Variants in LAMP2 observed in about 807,000 individuals in gnomAD.
LAMP2 encodes lysosome-associated membrane glycoprotein 2.
In LAMP2, 4 loss-of-function variants were observed where a neutral mutation model predicts 25.6. That is an observed-to-expected ratio of 0.16 (90% CI 0.08 to 0.36). The LOEUF (loss-of-function observed/expected upper bound fraction) is 0.36. Among genes scored for constraint, LAMP2 ranks in the 10% least tolerant of loss-of-function variants. LAMP2 has a pLI of 1.00. For synonymous variants in LAMP2, 108 were observed against 112.7 expected (o/e 0.96, Z 0.27); for missense variants, 272 against 301.4 (o/e 0.90, Z 0.72).
At chrX:120,467,773 ATTTT>A (rs1921601682) in intron 1 of LAMP2, among the ~76,000 whole-genome samples, 1 of 111,546 alleles carries the variant, frequency 9.0e-6, no homozygotes, top group Non-Finnish European at 1.9e-5. Flanking sequence ...ATTTATTTTT[ATTTT>A]TTGAGACAGA....
At chrX:120,458,631 A>G (rs60538603) in intron 1 of LAMP2, among the ~76,000 whole-genome samples, 1 of 111,057 alleles carries the variant, frequency 9.0e-6, no homozygotes, top group African/African-American at 3.3e-5. Flanking sequence ...CTTTTACTCA[A>G]TATCTCTCAC....
intron 8 of LAMP2, among the ~76,000 whole-genome samples, chrX:120,436,168 A>ACTCTCTCTCT (rs1459861912): frequency 1.3e-5 from 1 of 79,743 alleles, no homozygotes; most frequent in African/African-American, 5.1e-5. Flanking sequence ...ACACACACAC[A>ACTCTCTCTCT]CACTCTCTCT....
intron 8 of LAMP2, among the ~76,000 whole-genome samples, chrX:120,440,926 A>G (rs1424613736): frequency 2.7e-5 from 3 of 112,211 alleles, no homozygotes; most frequent in Non-Finnish European, 5.6e-5. Flanking sequence ...GGCTCACAGT[A>G]TATTCGCTTT....
At chrX:120,455,025 A>G (rs2023717) in intron 3 of LAMP2, among the ~76,000 whole-genome samples, 29,578 of 98,753 alleles carry the variant, frequency 0.3, 4,494 homozygotes, top group Middle Eastern at 0.43. Context: ...ATATATGTGT[A>G]TATATATATA....
intron 1 of LAMP2, among the ~76,000 whole-genome samples, chrX:120,466,997 G>A (rs751698734): frequency 5.5e-5 from 6 of 110,071 alleles, no homozygotes; most frequent in South Asian, 3.9e-4. Context: ...CATGTGCCAC[G>A]ACACCGGCTA....
At chrX:120,455,906 T>C in intron 2 of LAMP2, among the ~76,000 whole-genome samples, 1 of 99,864 alleles carries the variant, frequency 1.0e-5, no homozygotes, top group South Asian at 5.2e-4. Flanking sequence ...GGGGAGATTT[T>C]AGTGTTAGGT....
chrX:120,436,170 A>ACACACACACACTCTCTCTCT (rs1251901451), intron 8 of LAMP2, among the ~76,000 whole-genome samples: 1 of 57,307 alleles, frequency 1.7e-5, no homozygotes, highest in African/African-American at 5.0e-5. Flanking sequence ...ACACACACAC[A>ACACACACACACTCTCTCTCT]CTCTCTCTCT....
chrX:120,427,179 T>G lies in LAMP2; in HGVS notation c.*4144A>C, dbSNP rs2058502195. Reference sequence around the variant, plus strand: ...TAATTTTTTTAATCCAAAAAAAATTTCTGAAGTGAAGGCAGATCTTTGGGA... The same window carrying G: ...TAATTTTTTTAATCCAAAAAAAATTGCTGAAGTGAAGGCAGATCTTTGGGA... On this transcript the variant is annotated 3_prime_UTR_variant, in exon 9 of 9. Coordinates refer to ENST00000200639, the MANE Select transcript of LAMP2 (RefSeq NM_002294.3). Among the ~76,000 whole-genome samples the G allele has an allele frequency of 2.7e-5, 3 of 111,718 alleles. No homozygotes were observed. The highest frequency in any genetic ancestry group is 1.9e-4 in the Admixed American group (2 of 10,468).
chrX:120,436,512 G>T (rs891740367), intron 8 of LAMP2: 23 of 733,812 alleles, frequency 3.1e-5, no homozygotes, highest in African/African-American at 7.0e-5. Flanking sequence ...AGAAATAAAA[G>T]AATCTTTATT....
chrX:120,454,104 A>C (rs1186913276), intron 3 of LAMP2, among the ~76,000 whole-genome samples: 1 of 110,996 alleles, frequency 9.0e-6, no homozygotes, highest in Non-Finnish European at 1.9e-5. Flanking sequence ...GAGTAGCATG[A>C]TTAAATCTCT....
intron 8 of LAMP2, among the ~76,000 whole-genome samples, chrX:120,432,865 T>TA (rs1385381462): frequency 9.3e-6 from 1 of 107,357 alleles, no homozygotes; most frequent in Non-Finnish European, 1.9e-5. Flanking sequence ...GAAGCTGAGA[T>TA]GGGAGAACTG....
chrX:120,428,528 T>C lies in LAMP2; in HGVS notation c.*2795A>G, dbSNP rs749374058. 9.2e-6 allele frequency: 11 copies of C among 1,198,993 alleles called. No individual in the cohort carries two copies. The South Asian group carries it at 2.0e-4, about 22-fold the overall frequency. ...GTACGACTTTTCCTTCTTCCAATCA[T>C]ATAAGAGATAAAGACAACAATTATA... On this transcript the variant is annotated 3_prime_UTR_variant, in exon 9 of 9. Transcript: ENST00000200639.
chrX:120,429,827 G>A lies in LAMP2; in HGVS notation c.*1496C>T, dbSNP rs1468382621. The A allele has an allele frequency of 1.3e-5, 10 of 751,127 alleles. No individual in the cohort carries two copies. Among genetic ancestry groups the A allele is most frequent in the Non-Finnish European group, 1.6e-5 (10 of 637,836 alleles). The allele number at this position is 751,127 out of a possible 1,213,427, so 61.9% of individuals were successfully genotyped here. ...TTCACTCCCCTTTCTGTAAATAATCGTTAAGGTCCTTTCCAGTAATAGCTA... is the reference window on the plus strand; with the variant it reads ...TTCACTCCCCTTTCTGTAAATAATCATTAAGGTCCTTTCCAGTAATAGCTA... On this transcript the variant is annotated 3_prime_UTR_variant, in exon 9 of 9. Transcript: ENST00000200639.
chrX:120,468,222 A>T (rs1921623077), intron 1 of LAMP2, among the ~76,000 whole-genome samples: 1 of 111,389 alleles, frequency 9.0e-6, no homozygotes, highest in Non-Finnish European at 1.9e-5. Flanking sequence ...ACCAAACTCA[A>T]ATACTCCACC....
chrX:120,439,790 G>C (rs955173348), intron 8 of LAMP2, among the ~76,000 whole-genome samples: 2 of 109,669 alleles, frequency 1.8e-5, no homozygotes, highest in African/African-American at 6.6e-5. Context: ...GAAATAAAGG[G>C]AGCTAATCTA....
chrX:120,426,273 C>A lies in LAMP2; in HGVS notation c.*5050G>T, dbSNP rs1250809219. On this transcript the variant is annotated 3_prime_UTR_variant, in exon 9 of 9. Coordinates refer to ENST00000200639, the MANE Select transcript of LAMP2 (RefSeq NM_002294.3). ...TATTAATTGGTTCTCTAAATCGATA[C>A]ATCCAAAACTTTAGTTAGCAGCAAG... Among the ~76,000 whole-genome samples the A allele has an allele frequency of 9.8e-6, 1 of 102,326 alleles. No individual in the cohort carries two copies. The highest frequency in any genetic ancestry group is 2.0e-5 in the Non-Finnish European group (1 of 50,351). The allele number at this position is 102,326 out of a possible 115,157, so 88.9% of individuals were successfully genotyped here.
At chrX:120,436,170 A>ACACACACTCTCTCT (rs1251901451) in intron 8 of LAMP2, among the ~76,000 whole-genome samples, 4 of 57,307 alleles carry the variant, frequency 7.0e-5, no homozygotes, top group African/African-American at 2.0e-4. Context: ...ACACACACAC[A>ACACACACTCTCTCT]CTCTCTCTCT....
In LAMP2 at chrX:120,431,278, T is replaced by G. The variant is rs1332177028; in HGVS notation, c.*45A>C. ...TCAACAACTGAGAGGTAAGAAAATC[T>G]TGTTATTTGCATGTATTTTTATATA... is the stretch of plus-strand genomic sequence containing the variant. On this transcript the variant is annotated 3_prime_UTR_variant, in exon 9 of 9. Coordinates refer to ENST00000200639, the MANE Select transcript of LAMP2 (RefSeq NM_002294.3). 8.3e-7 allele frequency: 1 copy of G among 1,207,451 alleles called. No individual in the cohort carries two copies. The highest frequency in any genetic ancestry group is 1.7e-5 in the African/African-American group (1 of 57,831).
At chrX:120,452,901 C>T (rs2058628638) in intron 3 of LAMP2, among the ~76,000 whole-genome samples, 1 of 110,249 alleles carries the variant, frequency 9.1e-6, no homozygotes, top group African/African-American at 3.3e-5. Context: ...GGTTCAGGGA[C>T]TATGTTCCAT....
Sources: allele counts gnomAD v4.1 joint callset (sites outside exome capture counted in the v4.1 genomes callset), GRCh38; gene constraint gnomAD v4.1.1; transcripts MANE v1.5; gene names NCBI Gene and HGNC (gene_info 2026-07-23, HGNC 2026-07-21).